The following MED12L variants were observed in gnomAD, a reference collection of about 807,000 sequenced individuals.
MED12L encodes mediator of RNA polymerase II transcription subunit 12-like protein.
MED12L carries 60 observed loss-of-function variants against 281.3 expected under a neutral mutation model. The observed-to-expected ratio is 0.21, with a 90% confidence interval of 0.17 to 0.26. The LOEUF (loss-of-function observed/expected upper bound fraction) is 0.26, where lower values mean the gene tolerates loss of function less well. Among genes scored for constraint, MED12L ranks in the 10% least tolerant of loss-of-function variants. MED12L has a pLI of 1.00. For missense variants in MED12L, 2,146 were observed against 2,680.9 expected (o/e 0.80, Z 4.41); for synonymous variants, 974 against 987.2 (o/e 0.99, Z 0.25).
intron 9 of MED12L, 107 bp downstream of exon 9, chr3:151,164,149 C>G (rs1720377559): frequency 8.3e-7 from 1 of 1,211,112 alleles, no homozygotes; most frequent in Non-Finnish European, 1.2e-6. Context: ...GGGTGCTATC[C>G]CAGTTTTGCC....
At chr3:151,350,241 T>A in intron 17 of MED12L, 35 bp downstream of exon 17, 1 of 1,602,810 alleles carries the variant, frequency 6.2e-7, no homozygotes, top group Non-Finnish European at 8.5e-7. Flanking sequence ...CCCATTGTGT[T>A]GCCTTTTGCC....
intron 16 of MED12L, among the ~76,000 whole-genome samples, chr3:151,310,659 A>T (rs921231039): frequency 3.3e-5 from 5 of 152,150 alleles, no homozygotes; most frequent in Admixed American, 2.0e-4. Context: ...TGGTGAACTA[A>T]TTTCTCATAT....
At chr3:151,292,324 T>C (rs1744366194) in intron 16 of MED12L, among the ~76,000 whole-genome samples, 1 of 150,078 alleles carries the variant, frequency 6.7e-6, no homozygotes, top group South Asian at 2.1e-4. Context: ...TTTTGCTCTT[T>C]TGTCCAGGCT....
At chr3:151,281,109 C>A (rs1459628995) in intron 16 of MED12L, among the ~76,000 whole-genome samples, 1 of 151,652 alleles carries the variant, frequency 6.6e-6, no homozygotes, top group African/African-American at 2.4e-5. Flanking sequence ...ATATTTTAAA[C>A]TAGGCACGGT....
intron 16 of MED12L, among the ~76,000 whole-genome samples, chr3:151,251,706 C>G (rs1042566761): frequency 6.6e-6 from 1 of 152,140 alleles, no homozygotes; most frequent in Non-Finnish European, 1.5e-5. Flanking sequence ...TGGTTCTTGC[C>G]CCATTGCTTG....
intron 16 of MED12L, among the ~76,000 whole-genome samples, chr3:151,291,282 G>A (rs141304823): frequency 2.6e-3 from 380 of 148,248 alleles, no homozygotes; most frequent in Non-Finnish European, 4.7e-3. Flanking sequence ...AAATTTTGAC[G>A]TATTTAAATT....
intron 13 of MED12L, among the ~76,000 whole-genome samples, chr3:151,189,881 C>T (rs7650189): frequency 0.084 from 12,729 of 152,206 alleles, 1,235 homozygotes; most frequent in African/African-American, 0.23. Flanking sequence ...AAATAATCTG[C>T]AGAGCTCCAT....
At position 151,393,600 on chromosome 3, in the gene MED12L, C is replaced by T. The variant is rs1450430513; in HGVS notation, c.5609-1056C>T. 2.0e-5 allele frequency among the ~76,000 whole-genome samples: 3 copies of T among 150,622 alleles called. No homozygotes were observed. In the Admixed American group the frequency reaches 2.0e-4, roughly 10 times the overall value. ...CCTTGTGAGCAAATTATGAGGGAGA[C>T]CTCCTAGGGAGGTATATAGCCTTCT... On this transcript the variant is annotated intron_variant, in intron 38 of 44. Transcript: ENST00000687756.
At position 151,390,020 on chromosome 3, in the gene MED12L, C is replaced by T; in HGVS notation, c.5493C>T (p.Tyr1831=). Residue 1831 remains tyrosine (Y), a synonymous_variant, in exon 38 of 45, where the codon TAC becomes TAT. Transcript: ENST00000687756. ...QSNIYRVPPN[Y]SPISSQMMHH... ...ACATATACCGAGTGCCTCCTAATTACTCGCCTATCTCCTCCCAAATGATGC... is the reference window on the plus strand; with the variant it reads ...ACATATACCGAGTGCCTCCTAATTATTCGCCTATCTCCTCCCAAATGATGC... 6.2e-7 allele frequency: 1 copy of T among 1,614,130 alleles called. No homozygotes were observed. The highest frequency in any genetic ancestry group is 8.5e-7 in the Non-Finnish European group (1 of 1,179,978).
chr3:151,219,634 T>G (rs1291957396), intron 16 of MED12L: 2 of 152,208 alleles, frequency 1.3e-5, no homozygotes, highest in African/African-American at 4.8e-5. Flanking sequence ...TGTTTTTTCA[T>G]TAAAGATCCT....
At chr3:151,098,607 TC>T (rs1481786856) in intron 2 of MED12L, among the ~76,000 whole-genome samples, 1 of 152,210 alleles carries the variant, frequency 6.6e-6, no homozygotes, top group Non-Finnish European at 1.5e-5. Flanking sequence ...TACATGGTCT[TC>T]CTCTGGGTGT....
chr3:151,333,254 A>G (rs934245895), intron 16 of MED12L, among the ~76,000 whole-genome samples: 1 of 152,180 alleles, frequency 6.6e-6, no homozygotes, highest in Non-Finnish European at 1.5e-5. Context: ...TCCTTTATGT[A>G]TATACCCAGT....
intron 11 of MED12L, among the ~76,000 whole-genome samples, chr3:151,182,611 G>C (rs946193670): frequency 1.3e-5 from 2 of 152,188 alleles, no homozygotes; most frequent in African/African-American, 4.8e-5. Context: ...TGAGGCCCGA[G>C]GTGGAGGTGG....
chr3:151,099,332 A>T (rs932812770), intron 2 of MED12L, among the ~76,000 whole-genome samples: 1 of 152,214 alleles, frequency 6.6e-6, no homozygotes, highest in African/African-American at 2.4e-5. Flanking sequence ...GGATCTATTA[A>T]GCTTTTATTT....
chr3:151,394,656 G>A lies in MED12L; in HGVS notation c.5609G>A (p.Gly1870Asp), dbSNP rs1714721731. The change falls in exon 39 of 45, where the codon GGT becomes GAT. Residue 1870 changes from glycine (G) to aspartate (D), a missense_variant and splice_region_variant. Around this residue, in one of 9 missense-constraint regions of MED12L, gnomAD observed 496 missense variants for 512.0 expected, o/e 0.97. Coordinates refer to ENST00000687756, the MANE Select transcript of MED12L (RefSeq NM_001393769.1). ...FFLQNQSLTPGGSRLDPAGSF... is the reference protein window; with the variant it reads ...FFLQNQSLTPDGSRLDPAGSF... ...TGTTTCCTTTTGGTTGCTTTTGTAG[G>A]TGGCTCCAGATTGGACCCTGCAGGC... 6.2e-7 allele frequency: 1 copy of A among 1,613,968 alleles called. No individual in the cohort carries two copies. The highest frequency in any genetic ancestry group is 8.5e-7 in the Non-Finnish European group (1 of 1,179,984).
chr3:151,218,570 T>G (rs1397455506), intron 16 of MED12L, among the ~76,000 whole-genome samples: 1 of 152,034 alleles, frequency 6.6e-6, no homozygotes, highest in Non-Finnish European at 1.5e-5. Flanking sequence ...GCTAAACTTT[T>G]TAAAAAGGAA....
intron 16 of MED12L, among the ~76,000 whole-genome samples, chr3:151,246,474 A>G (rs1735508788): frequency 6.6e-6 from 1 of 152,158 alleles, no homozygotes; most frequent in Admixed American, 6.6e-5. Context: ...CCGCATATCT[A>G]CAACTCTCTG....
intron 16 of MED12L, chr3:151,212,556 T>G (rs1322402445): frequency 6.6e-6 from 1 of 152,136 alleles, no homozygotes; most frequent in Non-Finnish European, 1.5e-5. Context: ...CAATATTTAG[T>G]TTCTCTCAGT....
At chr3:151,119,805 G>A (rs1219918833) in intron 3 of MED12L, among the ~76,000 whole-genome samples, 4 of 152,068 alleles carry the variant, frequency 2.6e-5, no homozygotes, top group Admixed American at 6.5e-5. Context: ...AGGGGAATTT[G>A]ATTTTATAAA....
Sources: allele counts gnomAD v4.1 joint callset (sites outside exome capture counted in the v4.1 genomes callset), GRCh38; gene constraint gnomAD v4.1.1; regional missense constraint gnomAD v4.1.1; transcripts MANE v1.5; gene names NCBI Gene and HGNC (gene_info 2026-07-23, HGNC 2026-07-21).